Variants in MARCO observed in about 807,000 individuals in gnomAD.
MARCO encodes macrophage receptor MARCO.
Under a neutral mutation model 70.0 loss-of-function variants are expected in MARCO, and 72 were observed. The observed-to-expected ratio is 1.03, with a 90% CI of 0.85 to 1.25. The LOEUF (loss-of-function observed/expected upper bound fraction) is 1.25, where lower values mean the gene tolerates loss of function less well. MARCO is among the 50% of genes most tolerant of loss of function. The pLI is 0.00. For synonymous variants in MARCO, 273 were observed against 243.1 expected (o/e 1.12, Z -1.14); for missense variants, 696 against 659.3 (o/e 1.06, Z -0.61).
At chr2:118,965,377 T>A (rs1276471935) in intron 1 of MARCO, among the ~76,000 whole-genome samples, 1 of 152,202 alleles carries the variant, frequency 6.6e-6, no homozygotes, top group East Asian at 1.9e-4. Context: ...CATTGGTATT[T>A]TTTTAGTTCT....
rs758402740 is a variant in MARCO at position 118,970,349 on chromosome 2, C to T, written c.424+11C>T. On this transcript the variant is annotated intron_variant, in intron 3 of 16. Coordinates refer to ENST00000327097, the MANE Select transcript of MARCO (RefSeq NM_006770.4). ...TCACTCAGAACCCAGGTTTGGCCTC[C>T]TCCCCTCTGGGTCAGGACTTCTCAA... is the stretch of plus-strand genomic sequence containing the variant. The T allele has an allele frequency of 5.1e-5, 81 of 1,599,406 alleles. No individual in the cohort carries two copies. The highest frequency in any genetic ancestry group is 6.8e-5 in the Non-Finnish European group (80 of 1,170,834).
In MARCO at chr2:118,991,792, A is replaced by C. The variant is rs756646450; in HGVS notation, c.1124A>C (p.Lys375Thr). ...CTCCTTCCAGGCCCTGCAGGTGTGA[A>C]GGGAGAACAGGGGAGCCCAGGGCTG... ...ESGVPGPAGV[K>T]GEQGSPGLAG... The change falls in exon 14 of 17, where the codon AAG becomes ACG. Residue 375 changes from lysine to threonine, a missense_variant. Lys to Thr is a moderately conservative substitution (Grantham distance 78, BLOSUM62 -1). Coordinates refer to ENST00000327097, the MANE Select transcript of MARCO (RefSeq NM_006770.4). The C allele has an allele frequency of 2.5e-6, 4 of 1,591,192 alleles. No homozygotes were observed. Among genetic ancestry groups the C allele is most frequent in the African/African-American group, 2.7e-5 (2 of 74,596 alleles).
intron 4 of MARCO, 80 bp downstream of exon 4, chr2:118,971,614 G>A (rs1445037193): frequency 6.9e-7 from 1 of 1,450,368 alleles, no homozygotes; most frequent in Admixed American, 1.9e-5. Context: ...GTGCCATTCT[G>A]GGTCTGGACA....
At chr2:118,964,705 T>C (rs1298159666) in intron 1 of MARCO, among the ~76,000 whole-genome samples, 2 of 151,938 alleles carry the variant, frequency 1.3e-5, no homozygotes, top group East Asian at 1.9e-4. Context: ...CTGGACATCA[T>C]AGTGAAACCC....
At position 118,982,372 on chromosome 2, in the gene MARCO, C is replaced by T. The variant is rs754941846; in HGVS notation, c.1025C>T (p.Pro342Leu). 5.6e-6 allele frequency: 9 copies of T among 1,613,910 alleles called. No homozygotes were observed. The highest frequency in any genetic ancestry group is 7.6e-6 in the Non-Finnish European group (9 of 1,179,924). ...RAGLPGSPGS[P>L]GATGLKGSKG... ...GGACTTCCAGGGAGCCCCGGGAGTC[C>T]AGGAGCCACAGGCCTGAAAGGAAGC... The change falls in exon 12 of 17, where the codon CCA becomes CTA. Residue 342 changes from proline to leucine, a missense_variant. Pro to Leu is a moderately conservative substitution (Grantham distance 98). Around this residue, in one of 3 missense-constraint regions of MARCO, gnomAD observed 605 missense variants for 537.6 expected, o/e 1.13. Transcript: ENST00000327097.
chr2:118,943,964 G>A (rs1202990100), intron 1 of MARCO, among the ~76,000 whole-genome samples: 1 of 152,140 alleles, frequency 6.6e-6, no homozygotes, highest in Non-Finnish European at 1.5e-5. Context: ...GAACTTGGCA[G>A]CAAGAGATGA....
intron 1 of MARCO, among the ~76,000 whole-genome samples, chr2:118,954,822 T>G (rs781458657): frequency 6.6e-6 from 1 of 151,886 alleles, no homozygotes; most frequent in Non-Finnish European, 1.5e-5. Flanking sequence ...GAGACAAAAA[T>G]CACTGCAGTT....
chr2:118,985,773 T>C (rs1460093866), intron 12 of MARCO, among the ~76,000 whole-genome samples: 1 of 152,204 alleles, frequency 6.6e-6, no homozygotes, highest in African/African-American at 2.4e-5. Flanking sequence ...TTACACCTCA[T>C]GAAATAACAT....
intron 1 of MARCO, among the ~76,000 whole-genome samples, chr2:118,960,558 A>C (rs1320253030): frequency 2.0e-5 from 3 of 152,106 alleles, no homozygotes; most frequent in African/African-American, 7.2e-5. Context: ...TTTCTGCACT[A>C]ATTTTATGGT....
chr2:118,952,231 C>G (rs1435492381), intron 1 of MARCO, among the ~76,000 whole-genome samples: 3 of 152,102 alleles, frequency 2.0e-5, no homozygotes, highest in Non-Finnish European at 4.4e-5. Flanking sequence ...CTGGAAGGCT[C>G]AACCCCTCAA....
intron 1 of MARCO, among the ~76,000 whole-genome samples, chr2:118,946,511 C>T (rs1445937571): frequency 6.6e-6 from 1 of 152,082 alleles, no homozygotes; most frequent in Non-Finnish European, 1.5e-5. Context: ...ATAGTTGGCT[C>T]TTCTTATTGA....
rs751175457 is a variant in MARCO at position 118,982,315 on chromosome 2, GC to G, written c.1001-30del. On this transcript the variant is annotated intron_variant, in intron 11 of 16. Transcript: ENST00000327097. The stretch of plus-strand genomic sequence containing the variant: ...GATGTGTGAAAACCTGCCTAGTCCA[GC>G]CCTTATGCTCTCTGTGGTGTCTGTT... The G allele has an allele frequency of 3.3e-5, 53 of 1,613,350 alleles. 1 individual carries two copies. Among genetic ancestry groups the G allele is most frequent in the Non-Finnish European group, 4.5e-5 (53 of 1,179,416 alleles).
At chr2:118,967,594 G>A (rs1459812413) in intron 1 of MARCO, among the ~76,000 whole-genome samples, 1 of 152,072 alleles carries the variant, frequency 6.6e-6, no homozygotes, top group Non-Finnish European at 1.5e-5. Context: ...GTATAATCGA[G>A]TACCACTAGC....
intron 1 of MARCO, among the ~76,000 whole-genome samples, chr2:118,950,185 T>C (rs537596266): frequency 6.6e-6 from 1 of 152,362 alleles, no homozygotes; most frequent in South Asian, 2.1e-4. Context: ...GTGTCATTAA[T>C]GTTAAATTTA....
At chr2:118,986,653 G>GA (rs1481384770) in intron 12 of MARCO, among the ~76,000 whole-genome samples, 1,495 of 37,166 alleles carry the variant, frequency 0.04, 23 homozygotes, top group Non-Finnish European at 0.044. Flanking sequence ...AAGAAAGAAA[G>GA]AAGGAAGGAA....
At chr2:118,974,812 T>A (rs1354291771) in intron 6 of MARCO, among the ~76,000 whole-genome samples, 7 of 152,034 alleles carry the variant, frequency 4.6e-5, no homozygotes, top group Non-Finnish European at 1.0e-4. Context: ...TAGATGGGGC[T>A]GGGGGGTGTG....
intron 1 of MARCO, among the ~76,000 whole-genome samples, chr2:118,954,575 G>T (rs1363527705): frequency 6.6e-6 from 1 of 152,188 alleles, no homozygotes; most frequent in East Asian, 1.9e-4. Context: ...TACAGCTGAT[G>T]CTTTCTGGAA....
chr2:118,975,611 A>T, intron 6 of MARCO, among the ~76,000 whole-genome samples: 1 of 152,192 alleles, frequency 6.6e-6, no homozygotes, highest in Non-Finnish European at 1.5e-5. Context: ...TGGTGCAGTC[A>T]GAGGTGTGCA....
In MARCO at chr2:118,982,223, G is replaced by T; in HGVS notation, c.969G>T (p.Glu323Asp). 1.2e-6 allele frequency: 2 copies of T among 1,613,262 alleles called. No individual in the cohort carries two copies. The highest frequency in any genetic ancestry group is 1.7e-6 in the Non-Finnish European group (2 of 1,179,384). Residue 323 changes from glutamate (E) to aspartate (D), a missense_variant, in exon 11 of 17, where the codon GAG becomes GAT. Glu to Asp is a conservative substitution (Grantham distance 45). Around this residue, in one of 3 missense-constraint regions of MARCO, gnomAD observed 605 missense variants for 537.6 expected, o/e 1.13. Coordinates refer to ENST00000327097, the MANE Select transcript of MARCO (RefSeq NM_006770.4). ...GAVGHPGAKGEPGSAGSPGRA... is the reference protein window; with the variant it reads ...GAVGHPGAKGDPGSAGSPGRA... Reference sequence around the variant, plus strand: ...TGGGACACCCAGGTGCCAAGGGTGAGCCTGGCAGTGCTGGCTCCCCTGGGC... The same window carrying T: ...TGGGACACCCAGGTGCCAAGGGTGATCCTGGCAGTGCTGGCTCCCCTGGGC...
Sources: allele counts gnomAD v4.1 joint callset (sites outside exome capture counted in the v4.1 genomes callset), GRCh38; gene constraint gnomAD v4.1.1; regional missense constraint gnomAD v4.1.1; transcripts MANE v1.5; gene names NCBI Gene and HGNC (gene_info 2026-07-23, HGNC 2026-07-21).